The following THNSL2 variants were observed in gnomAD, a reference collection of about 807,000 sequenced individuals.
The protein encoded by THNSL2 is threonine synthase-like 2.
A neutral mutation model predicts 40.0 loss-of-function variants in THNSL2; 34 were observed. The observed-to-expected ratio is 0.85, with a 90% CI of 0.65 to 1.13. THNSL2 has a LOEUF of 1.13. Among genes scored for constraint, THNSL2 ranks in the 50% most tolerant of loss-of-function variants. The probability of loss-of-function intolerance (pLI) is 0.00; values close to 1 mark genes in which losing one functional copy is unlikely to be tolerated. For synonymous variants in THNSL2, 241 were observed against 247.5 expected (o/e 0.97, Z 0.25); for missense variants, 537 against 608.8 (o/e 0.88, Z 1.24).
chr2:88,185,243 T>C, intron 7 of THNSL2, 85 bp from the exon 8 acceptor site: 5 of 1,526,784 alleles, frequency 3.3e-6, no homozygotes, highest in Non-Finnish European at 4.4e-6. Context: ...GGGGTTTGTG[T>C]GGATCTGTGG....
intron 5 of THNSL2, among the ~76,000 whole-genome samples, chr2:88,180,865 G>A (rs1015780210): frequency 2.6e-5 from 4 of 152,140 alleles, no homozygotes; most frequent in African/African-American, 4.8e-5. Flanking sequence ...AGGCTGAGTC[G>A]AGGGAGGGCA....
chr2:88,178,075 G>A (rs769270264), intron 4 of THNSL2, among the ~76,000 whole-genome samples: 34 of 138,332 alleles, frequency 2.5e-4, no homozygotes, highest in East Asian at 1.1e-3. Flanking sequence ...AGACATACTC[G>A]GGTATCAGAT....
chr2:88,171,099 A>T (rs1319444166), intron 1 of THNSL2: 1 of 342,204 alleles, frequency 2.9e-6, no homozygotes, highest in Non-Finnish European at 5.9e-6. Flanking sequence ...TCTCCATCCC[A>T]TGCTTGGAGC....
intron 7 of THNSL2, among the ~76,000 whole-genome samples, chr2:88,184,376 C>T (rs185584091): frequency 8.0e-4 from 122 of 152,220 alleles, no homozygotes; most frequent in South Asian, 2.5e-3. Flanking sequence ...CTACTGTGAG[C>T]GAGGAACTGT....
chr2:88,180,499 G>C (rs1038487465), intron 5 of THNSL2, among the ~76,000 whole-genome samples: 7 of 152,122 alleles, frequency 4.6e-5, no homozygotes, highest in African/African-American at 1.7e-4. Flanking sequence ...TTGAACCTGG[G>C]AGGTGGAGGT....
At chr2:88,174,951 G>C in intron 3 of THNSL2, 118 bp downstream of exon 3, 1 of 1,244,512 alleles carries the variant, frequency 8.0e-7, no homozygotes, top group South Asian at 1.5e-5. Flanking sequence ...TCCAGAGCAA[G>C]GTTCCTAACA....
chr2:88,175,502 A>T (rs1000978030), intron 4 of THNSL2, 101 bp downstream of exon 4: 15 of 1,453,946 alleles, frequency 1.0e-5, no homozygotes, highest in Non-Finnish European at 1.2e-5. Flanking sequence ...TGGGTAGCTG[A>T]CTGTCCTCCT....
In THNSL2 at chr2:88,183,054, C is replaced by G; in HGVS notation, c.1058C>G (p.Pro353Arg). 6.2e-7 allele frequency: 1 copy of G among 1,613,190 alleles called. No homozygotes were observed. The highest frequency in any genetic ancestry group is 8.5e-7 in the Non-Finnish European group (1 of 1,179,968). ...GAAAGGACCCAAAGTGTGAATCTGC[C>G]CAAGGAACTGCACAGCAAGGTCAGT... is the stretch of plus-strand genomic sequence containing the variant. ...QFERTQSVNL[P>R]KELHSKLSEA... Residue 353 changes from proline to arginine, a missense_variant, in exon 7 of 9, where the codon CCC (proline) becomes CGC (arginine). Physicochemically the swap from Pro to Arg is moderately radical, Grantham distance 103 (BLOSUM62 -2). Coordinates refer to ENST00000674334, the MANE Select transcript of THNSL2 (RefSeq NM_018271.5).
intron 2 of THNSL2, 108 bp from the exon 3 acceptor site, chr2:88,174,531 T>G: frequency 3.5e-6 from 4 of 1,143,406 alleles, no homozygotes; most frequent in Non-Finnish European, 3.7e-6. Flanking sequence ...GATGAAGATT[T>G]TTGGCCTTTT....
Position 88,173,175 on chromosome 2 carries a change from G to T in THNSL2, c.25G>T (p.Val9Leu), listed in dbSNP as rs775208851. Residue 9 changes from valine (V) to leucine (L), a missense_variant, in exon 2 of 9, where the codon GTA becomes TTA. Coordinates refer to ENST00000674334, the MANE Select transcript of THNSL2 (RefSeq NM_018271.5). MWYVSTRGVAPRVNFEGAL... is the reference protein window; with the variant it reads MWYVSTRGLAPRVNFEGAL... ...CATGTGGTATGTCAGCACCAGGGGC[G>T]TAGCCCCACGGGTCAACTTTGAGGG... The T allele has an allele frequency of 6.3e-6, 10 of 1,587,872 alleles. No homozygotes were observed. Among genetic ancestry groups the T allele is most frequent in the Non-Finnish European group, 8.6e-6 (10 of 1,165,270 alleles).
chr2:88,185,420 C>T lies in THNSL2; in HGVS notation c.1170C>T (p.Cys390=), dbSNP rs775408801. The part of the protein sequence containing the change: ...RCWDENQYLL[C]PHSAVAVNYH... ...GGGATGAGAACCAGTACTTGCTGTGCCCCCACTCAGCGGTGGCCGTGAACT... is the reference window on the plus strand; with the variant it reads ...GGGATGAGAACCAGTACTTGCTGTGTCCCCACTCAGCGGTGGCCGTGAACT... Residue 390 remains cysteine, a synonymous_variant, in exon 8 of 9, where the codon TGC becomes TGT. Coordinates refer to ENST00000674334, the MANE Select transcript of THNSL2 (RefSeq NM_018271.5). 1.7e-5 allele frequency: 28 copies of T among 1,614,012 alleles called. No homozygotes were observed. Among genetic ancestry groups the T allele is most frequent in the Non-Finnish European group, 2.4e-5 (28 of 1,180,000 alleles).
At chr2:88,171,114 A>G (rs1440565730) in intron 1 of THNSL2, 2 of 372,006 alleles carry the variant, frequency 5.4e-6, no homozygotes, top group African/African-American at 2.1e-5. Flanking sequence ...TGGAGCCCTC[A>G]TAGAGCAGCC....
Position 88,181,620 on chromosome 2 carries a change from T to A in THNSL2, c.803-1079T>A, listed in dbSNP as rs1677699865. ...CTGTAACAGGTTTATTGCTAAATGA[T>A]TCACATACCATTCACACATTTTAAG... On this transcript the variant is annotated intron_variant, in intron 5 of 8. Coordinates refer to ENST00000674334, the MANE Select transcript of THNSL2 (RefSeq NM_018271.5). 2.0e-5 allele frequency among the ~76,000 whole-genome samples: 3 copies of A among 150,270 alleles called. No individual in the cohort carries two copies. In the South Asian group the frequency reaches 6.4e-4, roughly 32 times the overall value.
At chr2:88,184,081 A>G (rs1415801508) in intron 7 of THNSL2, among the ~76,000 whole-genome samples, 1 of 152,200 alleles carries the variant, frequency 6.6e-6, no homozygotes, top group Non-Finnish European at 1.5e-5. Context: ...TATCCACCTT[A>G]AAGTGTTGTT....
intron 7 of THNSL2, among the ~76,000 whole-genome samples, chr2:88,184,198 T>C (rs147521152): frequency 6.6e-6 from 1 of 152,136 alleles, no homozygotes; most frequent in Non-Finnish European, 1.5e-5. Flanking sequence ...AAAGATCAAT[T>C]TATTTGGTTA....
At position 88,185,919 on chromosome 2, in the gene THNSL2, C is replaced by G. The variant is rs774794097; in HGVS notation, c.1251C>G (p.Ala417=). The G allele has an allele frequency of 3.7e-6, 6 of 1,609,058 alleles. No individual in the cohort carries two copies. In the African/African-American group the frequency reaches 4.0e-5, roughly 11 times the overall value. Residue 417 remains alanine, a synonymous_variant, in exon 9 of 9, where the codon GCC becomes GCG. Transcript: ENST00000674334. ...QQPSTPRCCL[A]PASAAKFPEA... is the part of the protein sequence containing the mutation. Reference sequence around the variant, plus strand: ...ACAGCACTCCCCGGTGCTGCCTCGCCCCTGCCTCTGCAGCCAAGTTCCCGG... The same window carrying G: ...ACAGCACTCCCCGGTGCTGCCTCGCGCCTGCCTCTGCAGCCAAGTTCCCGG...
At chr2:88,183,270 A>C in intron 7 of THNSL2, 197 bp downstream of exon 7, 1 of 660,900 alleles carries the variant, frequency 1.5e-6, no homozygotes, top group Non-Finnish European at 2.3e-6. Flanking sequence ...TTAGAGTCAA[A>C]TGAGCTCAAT....
At position 88,186,128 on chromosome 2, in the gene THNSL2, G is replaced by T. The variant is rs1474708007; in HGVS notation, c.*5G>T. On this transcript the variant is annotated 3_prime_UTR_variant, in exon 9 of 9. Coordinates refer to ENST00000674334, the MANE Select transcript of THNSL2 (RefSeq NM_018271.5). ...GCCCTCAACACCTCCCAGTAGCCTG[G>T]CTGGAGGTGGCTTTCTTTAGGCTTC... 3.2e-6 allele frequency: 5 copies of T among 1,552,034 alleles called. No individual in the cohort carries two copies. The highest frequency in any genetic ancestry group is 4.4e-6 in the Non-Finnish European group (5 of 1,147,042).
At chr2:88,178,285 G>A (rs1022592658) in intron 4 of THNSL2, among the ~76,000 whole-genome samples, 4 of 152,182 alleles carry the variant, frequency 2.6e-5, no homozygotes, top group Non-Finnish European at 5.9e-5. Context: ...CCTACTCTGT[G>A]ATCTAAATGA....
Sources: gnomAD v4.1 joint callset for allele counts (sites outside exome capture counted in the v4.1 genomes callset) on GRCh38, gnomAD v4.1.1 for gene constraint, MANE v1.5 for transcripts, NCBI Gene and HGNC (gene_info 2026-07-23, HGNC 2026-07-21) for gene names.